The following KCNQ1 variants were observed in gnomAD, a reference collection of about 807,000 sequenced individuals.
The protein encoded by KCNQ1 is potassium voltage-gated channel subfamily Q member 1, also known as potassium voltage-gated channel subfamily KQT member 1.
KCNQ1 carries 49 observed loss-of-function variants against 72.4 expected under a neutral mutation model. That is an observed-to-expected ratio of 0.68 (90% CI 0.54 to 0.86). The LOEUF (loss-of-function observed/expected upper bound fraction) is 0.86, where lower values mean the gene tolerates loss of function less well. Among genes scored for constraint, KCNQ1 ranks in the 40% least tolerant of loss-of-function variants. The probability of loss-of-function intolerance (pLI) is 0.00; values close to 1 mark genes in which losing one functional copy is unlikely to be tolerated. For missense variants in KCNQ1, 790 were observed against 945.1 expected (o/e 0.84, Z 2.15); for synonymous variants, 450 against 412.6 (o/e 1.09, Z -1.10).
intron 1 of KCNQ1, chr11:2,461,855 G>T: frequency 1.7e-6 from 1 of 591,980 alleles, no homozygotes. Flanking sequence ...GAGAGAGAAA[G>T]GGGTGGGTGG....
intron 10 of KCNQ1, chr11:2,656,543 C>G (rs1346769294): frequency 2.5e-6 from 1 of 398,542 alleles, no homozygotes; most frequent in Non-Finnish European, 4.4e-6. Context: ...TCAGGCGCAA[C>G]ACCTTTCCAC....
intron 11 of KCNQ1, chr11:2,699,843 C>T: frequency 2.5e-6 from 1 of 395,964 alleles, no homozygotes; most frequent in East Asian, 3.6e-5. Flanking sequence ...GAGGACCGCG[C>T]TGAGGGGCGC....
At position 2,613,744 on chromosome 11, in the gene KCNQ1, A is replaced by G; in HGVS notation, c.1393+24890A>G. The G allele has an allele frequency of 2.5e-6, 1 of 398,510 alleles. No individual in the cohort carries two copies. The highest frequency in any genetic ancestry group is 4.4e-6 in the Non-Finnish European group (1 of 226,030). 24.7% of individuals were successfully genotyped at this position (398,510 alleles called of 1,614,324 possible). A position where few individuals can be genotyped will look rare whatever the true frequency, so the allele number is the denominator to read the frequency against. On this transcript the variant is annotated intron_variant, in intron 10 of 15. Transcript: ENST00000155840. This position sits in a 1 kb window ranked among gnomAD's most constrained non-coding sequence, Gnocchi z 4.8. The stretch of plus-strand genomic sequence containing the variant: ...TAACATACTTCCAAAAGTCAATACT[A>G]AACAAAAGGAGCTACTGAGAGAAAT...
rs1167505141 is a variant in KCNQ1 at position 2,610,716 on chromosome 11, CTTTTTTTTTTTTTTTT to C, written c.1393+21876_1393+21891del. On this transcript the variant is annotated intron_variant, in intron 10 of 15. Coordinates refer to ENST00000155840, the MANE Select transcript of KCNQ1 (RefSeq NM_000218.3). The stretch of plus-strand genomic sequence containing the variant: ...TTCTGGACACAGTATTCTTGGTTGG[CTTTTTTTTTTTTTTTT>C]TTTTTTTTTTTTTACTTTGAGCACT... 7.4e-5 allele frequency: 17 copies of C among 230,184 alleles called. No individual in the cohort carries two copies. The South Asian group carries it at 3.6e-3, about 49-fold the overall frequency. The allele number at this position is 230,184 out of a possible 1,614,324, so 14.3% of individuals were successfully genotyped here. A position where few individuals can be genotyped will look rare whatever the true frequency, so the allele number is the denominator to read the frequency against.
At position 2,823,601 on chromosome 11, in the gene KCNQ1, G is replaced by A. The variant is rs1847783340; in HGVS notation, c.1795-24166G>A. Among the ~76,000 whole-genome samples, 3 of 152,232 alleles carry A rather than the reference G, an allele frequency of 2.0e-5. 1 individual carries two copies. In the South Asian group the frequency reaches 6.2e-4, roughly 32 times the overall value. On this transcript the variant is annotated intron_variant, in intron 15 of 15. Coordinates refer to ENST00000155840, the MANE Select transcript of KCNQ1 (RefSeq NM_000218.3). ...CCTCCAGCCCAGGCAGCCCAGGCAGGAGCAGAGGACAGGATACTCCTGAAG... is the reference window on the plus strand; with the variant it reads ...CCTCCAGCCCAGGCAGCCCAGGCAGAAGCAGAGGACAGGATACTCCTGAAG...
rs1371366860 is a variant in KCNQ1 at position 2,679,049 on chromosome 11, C to A, written c.1514+16968C>A. 2.5e-6 allele frequency: 1 copy of A among 398,532 alleles called. No homozygotes were observed. Among genetic ancestry groups the A allele is most frequent in the Non-Finnish European group, 4.4e-6 (1 of 226,088 alleles). 24.7% of individuals were successfully genotyped at this position (398,532 alleles called of 1,614,324 possible). A position where few individuals can be genotyped will look rare whatever the true frequency, so the allele number is the denominator to read the frequency against. On this transcript the variant is annotated intron_variant, in intron 11 of 15. Transcript: ENST00000155840. The surrounding 1 kb of genome is among the most constrained non-coding windows in gnomAD (Gnocchi z 4.8). ...CTTGTAGCCCAGCCCCTCCTCCATA[C>A]CAACCACCAAAAAAACCCACTAACA...
chr11:2,667,592 TG>T, intron 11 of KCNQ1: 1 of 36,652 alleles, frequency 2.7e-5, no homozygotes, highest in Non-Finnish European at 5.3e-5. Context: ...GGGGCGGGGT[TG>T]GGCGGGGGGC....
In KCNQ1 at chr11:2,682,966, C is replaced by G. The variant is rs1850423696; in HGVS notation, c.1514+20885C>G. Reference sequence around the variant, plus strand: ...GAAAGGACAGGAGTCCTTCTGCCACCCAGACTGTGCATTCAGACATCTCCC... The same window carrying G: ...GAAAGGACAGGAGTCCTTCTGCCACGCAGACTGTGCATTCAGACATCTCCC... On this transcript the variant is annotated intron_variant, in intron 11 of 15. Transcript: ENST00000155840. The surrounding 1 kb of genome is among the most constrained non-coding windows in gnomAD (Gnocchi z 5.8). The G allele has an allele frequency of 5.0e-6, 2 of 398,494 alleles. No homozygotes were observed. The highest frequency in any genetic ancestry group is 3.6e-5 in the East Asian group (1 of 28,060). The allele number at this position is 398,494 out of a possible 1,614,324, so 24.7% of individuals were successfully genotyped here. A position where few individuals can be genotyped will look rare whatever the true frequency, so the allele number is the denominator to read the frequency against.
intron 10 of KCNQ1, chr11:2,634,327 T>TC (rs1554900017): frequency 2.2e-5 from 2 of 92,926 alleles, no homozygotes; most frequent in Non-Finnish European, 2.0e-5. Context: ...CCCTCCCCCC[T>TC]CCCCCCCCAC....
Position 2,673,454 on chromosome 11 carries a change from G to C in KCNQ1, c.1514+11373G>C, listed in dbSNP as rs1850224646. 7.5e-6 allele frequency: 3 copies of C among 398,554 alleles called. No individual in the cohort carries two copies. Among genetic ancestry groups the C allele is most frequent in the African/African-American group, 2.1e-5 (1 of 48,642 alleles). The allele number at this position is 398,554 out of a possible 1,614,324, so 24.7% of individuals were successfully genotyped here. A position where few individuals can be genotyped will look rare whatever the true frequency, so the allele number is the denominator to read the frequency against. ...TTCCAACTTGGTGTTGGGCCTCCTT[G>C]AGCCGGAACACCTGAAAAGCCATAC... On this transcript the variant is annotated intron_variant, in intron 11 of 15. Transcript: ENST00000155840. The surrounding 1 kb of genome is among the most constrained non-coding windows in gnomAD (Gnocchi z 4.5).
At chr11:2,523,321 GT>G (rs1847425379) in intron 1 of KCNQ1, among the ~76,000 whole-genome samples, 1 of 151,914 alleles carries the variant, frequency 6.6e-6, no homozygotes, top group African/African-American at 2.4e-5. Context: ...AATCTCCTGA[GT>G]GGCTGGGATT....
At chr11:2,506,709 C>A (rs1009557688) in intron 1 of KCNQ1, among the ~76,000 whole-genome samples, 3 of 152,202 alleles carry the variant, frequency 2.0e-5, no homozygotes, top group African/African-American at 2.4e-5. Flanking sequence ...ATTTGCACTC[C>A]CCCAGCAATG....
At chr11:2,776,872 G>A (rs1177267573) in intron 13 of KCNQ1, 114 bp from the exon 14 acceptor site, 9 of 1,037,288 alleles carry the variant, frequency 8.7e-6, no homozygotes, top group South Asian at 4.0e-5. Context: ...CCCCAGAGTG[G>A]GTGGACAGTC....
rs144994617 is a variant in KCNQ1 at position 2,737,124 on chromosome 11, G to A, written c.1515-31720G>A. On this transcript the variant is annotated intron_variant, in intron 11 of 15. Coordinates refer to ENST00000155840, the MANE Select transcript of KCNQ1 (RefSeq NM_000218.3). ...GGGGCAGCCTTCAGGGTAGGGCAGC[G>A]GATTAGGGAGGACTCCCCCAGGAGA... Among the ~76,000 whole-genome samples the A allele has an allele frequency of 3.8e-3, 581 of 152,334 alleles. 6 individuals carry two copies. The highest frequency in any genetic ancestry group is 6.8e-3 in the Middle Eastern group (2 of 294).
chr11:2,588,968 G>T lies in KCNQ1; in HGVS notation c.1393+114G>T. On this transcript the variant is annotated intron_variant, in intron 10 of 15. Coordinates refer to ENST00000155840, the MANE Select transcript of KCNQ1 (RefSeq NM_000218.3). This position sits in a 1 kb window ranked among gnomAD's most constrained non-coding sequence, Gnocchi z 5.6. ...TTGGGCTGTGGTCTCTGACAACGAG[G>T]TATGAACAGACAGAGGGTGGAGCTT... The T allele has an allele frequency of 7.9e-7, 1 of 1,258,336 alleles. No individual in the cohort carries two copies. Among genetic ancestry groups the T allele is most frequent in the Non-Finnish European group, 1.1e-6 (1 of 890,406 alleles). 77.9% of individuals were successfully genotyped at this position (1,258,336 alleles called of 1,614,324 possible). A position where few individuals can be genotyped will look rare whatever the true frequency, so the allele number is the denominator to read the frequency against.
Position 2,567,198 on chromosome 11 carries a change from C to T in KCNQ1, c.478-3430C>T, listed in dbSNP as rs890747570. 2.6e-5 allele frequency among the ~76,000 whole-genome samples: 4 copies of T among 152,098 alleles called. No individual in the cohort carries two copies. The highest frequency in any genetic ancestry group is 1.3e-4 in the Admixed American group (2 of 15,270). ...GAGCAAGGTGGGCAAGGGAGAAGTA[C>T]CAAATGTGTGCAGGTTCTGGGGAGG... On this transcript the variant is annotated intron_variant, in intron 2 of 15. Transcript: ENST00000155840. The surrounding 1 kb of genome is among the most constrained non-coding windows in gnomAD (Gnocchi z 6.6).
intron 1 of KCNQ1, among the ~76,000 whole-genome samples, chr11:2,474,378 G>A (rs964379409): frequency 6.6e-6 from 1 of 152,186 alleles, no homozygotes; most frequent in African/African-American, 2.4e-5. Context: ...TGCCTGATGT[G>A]CCGGTGTCCA....
At chr11:2,797,090 C>G (rs900447292) in intron 15 of KCNQ1, among the ~76,000 whole-genome samples, 8 of 152,242 alleles carry the variant, frequency 5.3e-5, no homozygotes, top group African/African-American at 1.9e-4. Context: ...CTCACCTGGG[C>G]TGTCTCCAGC....
chr11:2,656,363 A>T, intron 10 of KCNQ1: 1 of 398,666 alleles, frequency 2.5e-6, no homozygotes, highest in Non-Finnish European at 4.4e-6. Context: ...CAAGCCTTAC[A>T]GGTCCTTCCC....
Sources: gnomAD v4.1 joint callset for allele counts (sites outside exome capture counted in the v4.1 genomes callset) on GRCh38, gnomAD v4.1.1 for gene constraint, Gnocchi (gnomAD v3.1) non-coding constraint, MANE v1.5 for transcripts, NCBI Gene and HGNC (gene_info 2026-07-23, HGNC 2026-07-21) for gene names.